The following TLN1 variants were observed in gnomAD, a reference collection of about 807,000 sequenced individuals.
TLN1 encodes talin-1.
A neutral mutation model predicts 292.3 loss-of-function variants in TLN1; 56 were observed. That is an observed-to-expected ratio of 0.19 (90% confidence interval 0.15 to 0.24). TLN1 has a LOEUF of 0.24. Among genes scored for constraint, TLN1 ranks in the 10% least tolerant of loss-of-function variants. The pLI, the probability that TLN1 is intolerant of heterozygous loss-of-function variation, is 1.00. For missense variants in TLN1, 2,433 were observed against 3,248.2 expected (o/e 0.75, Z 6.10); for synonymous variants, 1,119 against 1,253.7 (o/e 0.89, Z 2.27).
intron 48 of TLN1, 62 bp from the exon 49 acceptor site, chr9:35,700,438 C>T: frequency 6.6e-7 from 1 of 1,509,428 alleles, no homozygotes; most frequent in Non-Finnish European, 9.0e-7. Flanking sequence ...CAGCGTAGAA[C>T]TCTGTGTGCA....
Position 35,724,541 on chromosome 9 carries a change from CA to C in TLN1, c.511+30del. On this transcript the variant is annotated intron_variant, in intron 5 of 56. Transcript: ENST00000314888. This position sits in a 1 kb window ranked among gnomAD's most constrained non-coding sequence, Gnocchi z 4.7. ...AAGCCCCTTCCCACCCTTCCCATTT[CA>C]AAAGCCCTCTTTTTTCTAGTTCTGC... 1 of 1,601,520 alleles carries C rather than the reference CA, an allele frequency of 6.2e-7. No individual in the cohort carries two copies. The highest frequency in any genetic ancestry group is 2.2e-5 in the East Asian group (1 of 44,708).
rs754249047 is a variant in TLN1 at position 35,717,114 on chromosome 9, G to A, written c.2458+32C>T. 6 of 1,566,972 alleles carry A rather than the reference G, an allele frequency of 3.8e-6. No individual in the cohort carries two copies. Among genetic ancestry groups the A allele is most frequent in the African/African-American group, 1.4e-5 (1 of 73,662 alleles). On this transcript the variant is annotated intron_variant, in intron 19 of 56. Coordinates refer to ENST00000314888, the MANE Select transcript of TLN1 (RefSeq NM_006289.4). This position sits in a 1 kb window ranked among gnomAD's most constrained non-coding sequence, Gnocchi z 4.7. ...AGTGGGCTTAGGGAACCCTGGTAGG[G>A]TTTTTTGTTTTCCTGGGGGTGCGTG...
chr9:35,720,696 G>A, intron 11 of TLN1, 116 bp downstream of exon 11: 2 of 1,096,122 alleles, frequency 1.8e-6, no homozygotes, highest in Non-Finnish European at 2.7e-6. Flanking sequence ...CAAGATCTCG[G>A]CTCATTGCAA....
In TLN1 at chr9:35,698,655, G is replaced by A. The variant is rs1825410375; in HGVS notation, c.7150C>T (p.Leu2384=). The A allele has an allele frequency of 1.2e-6, 2 of 1,614,162 alleles. No homozygotes were observed. The highest frequency in any genetic ancestry group is 1.7e-6 in the Non-Finnish European group (2 of 1,180,044). ...GKVGAIPANA[L]DDGQWSQGLI... ...CCCTGGGACCACTGCCCATCGTCCA[G>A]TGCATTGGCTGGAATGGCACCCACC... Residue 2384 remains leucine, a synonymous_variant, in exon 54 of 57, where the codon CTG becomes TTG. Transcript: ENST00000314888. This position sits in a 1 kb window ranked among gnomAD's most constrained non-coding sequence, Gnocchi z 5.3.
chr9:35,700,445 T>C lies in TLN1; in HGVS notation c.6475-69A>G, dbSNP rs990143663. The stretch of plus-strand genomic sequence containing the variant: ...CTATGAGACAGCGTAGAACTCTGTG[T>C]GCATGTGATTTGGTGCAGACATTCA... On this transcript the variant is annotated intron_variant, in intron 48 of 56. Coordinates refer to ENST00000314888, the MANE Select transcript of TLN1 (RefSeq NM_006289.4). 8.8e-6 allele frequency: 13 copies of C among 1,484,240 alleles called. 1 individual carries two copies. In the Admixed American group the frequency reaches 2.1e-4, roughly 24 times the overall value. The allele number at this position is 1,484,240 out of a possible 1,614,324, so 91.9% of individuals were successfully genotyped here.
Position 35,732,067 on chromosome 9 carries a change from T to A in TLN1, c.-34+8A>T, listed in dbSNP as rs1213893861. 6.6e-6 allele frequency: 1 copy of A among 151,378 alleles called. No individual in the cohort carries two copies. The highest frequency in any genetic ancestry group is 1.5e-5 in the Non-Finnish European group (1 of 67,686). 9.4% of individuals were successfully genotyped at this position (151,378 alleles called of 1,614,324 possible). On this transcript the variant is annotated splice_region_variant and intron_variant, in intron 1 of 56. Coordinates refer to ENST00000314888, the MANE Select transcript of TLN1 (RefSeq NM_006289.4). The surrounding 1 kb of genome is among the most constrained non-coding windows in gnomAD (Gnocchi z 5.1). ...CCTAAGGCCCCCGCCCGGCCCGGTC[T>A]GGCCTACCTGCGCTGCCTGGCTCTG...
rs201457771 is a variant in TLN1 at position 35,706,082 on chromosome 9, C to G, written c.5391G>C (p.Glu1797Asp). Reference protein sequence around the residue: ...KQAAHTQEALEEAVQMMTEAV... With the variant: ...KQAAHTQEALDEAVQMMTEAV... ...CCTCGGTCATCATCTGCACAGCCTC[C>G]TCCAGGGCTTCCTGGGTGTGAGCTG... Residue 1797 changes from glutamate (E) to aspartate (D), a missense_variant, in exon 41 of 57, where the codon GAG becomes GAC. Coordinates refer to ENST00000314888, the MANE Select transcript of TLN1 (RefSeq NM_006289.4). This position sits in a 1 kb window ranked among gnomAD's most constrained non-coding sequence, Gnocchi z 4.2. 5 of 1,614,216 alleles carry G rather than the reference C, an allele frequency of 3.1e-6. No homozygotes were observed. The highest frequency in any genetic ancestry group is 1.3e-5 in the African/African-American group (1 of 75,064).
chr9:35,709,556 T>A (rs1057141083), intron 33 of TLN1, among the ~76,000 whole-genome samples: 1 of 152,166 alleles, frequency 6.6e-6, no homozygotes, highest in Non-Finnish European at 1.5e-5. Flanking sequence ...AAGTGATAAC[T>A]CAAGTAACTG....
At position 35,709,323 on chromosome 9, in the gene TLN1, A is replaced by C. The variant is rs557676079; in HGVS notation, c.4327-839T>G. On this transcript the variant is annotated intron_variant, in intron 33 of 56. Coordinates refer to ENST00000314888, the MANE Select transcript of TLN1 (RefSeq NM_006289.4). ...AACAAACAAACAAAAAACCAAAAAA[A>C]CAAAAAAACAAAATCAAACAAGCCA... Among the ~76,000 whole-genome samples, 21 of 152,268 alleles carry C rather than the reference A, an allele frequency of 1.4e-4. 1 individual carries two copies. Among genetic ancestry groups the C allele is most frequent in the East Asian group, 5.8e-4 (3 of 5,170 alleles).
intron 20 of TLN1, 128 bp downstream of exon 20, chr9:35,716,262 G>T: frequency 2.0e-6 from 2 of 1,023,026 alleles, no homozygotes; most frequent in African/African-American, 1.6e-5. Flanking sequence ...TTTCCTGAGT[G>T]CTCCTATATT....
In TLN1 at chr9:35,705,486, G is replaced by C; in HGVS notation, c.5733+65C>G. The C allele has an allele frequency of 2.0e-6, 3 of 1,503,364 alleles. No homozygotes were observed. In the South Asian group the frequency reaches 3.9e-5, roughly 20 times the overall value. 93.1% of individuals were successfully genotyped at this position (1,503,364 alleles called of 1,614,324 possible). A position where few individuals can be genotyped will look rare whatever the true frequency, so the allele number is the denominator to read the frequency against. ...GACCAGAGAGGGTGGGGGTGGGACA[G>C]CCCTAGACACTGACACATCAGGAAC... On this transcript the variant is annotated intron_variant, in intron 43 of 56. Transcript: ENST00000314888.
In TLN1 at chr9:35,698,735, G is replaced by T; in HGVS notation, c.7126-56C>A. The T allele has an allele frequency of 6.2e-7, 1 of 1,614,024 alleles. No homozygotes were observed. Among genetic ancestry groups the T allele is most frequent in the East Asian group, 2.2e-5 (1 of 44,878 alleles). ...TGCATTTTCCTCACTTCAAAGACTC[G>T]CTGGCTATGGATGTGGATGTGGACA... On this transcript the variant is annotated intron_variant, in intron 53 of 56. Transcript: ENST00000314888. The surrounding 1 kb of genome is among the most constrained non-coding windows in gnomAD (Gnocchi z 5.3).
rs546334879 is a variant in TLN1, at chr9:35,713,409, T to A, written c.3250-111A>T. The A allele has an allele frequency of 7.1e-5, 58 of 815,014 alleles. 1 individual carries two copies. In the Middle Eastern group the frequency reaches 1.1e-3, roughly 15 times the overall value. The allele number at this position is 815,014 out of a possible 1,614,324, so 50.5% of individuals were successfully genotyped here. On this transcript the variant is annotated intron_variant, in intron 25 of 56. Coordinates refer to ENST00000314888, the MANE Select transcript of TLN1 (RefSeq NM_006289.4). ...ATTTAAATAAATGTTTTGGGCTGGG[T>A]GCGATGGCTCCCACCTATAATCCTA...
chr9:35,717,114 GTTTT>G lies in TLN1; in HGVS notation c.2458+28_2458+31del, dbSNP rs767957346. On this transcript the variant is annotated intron_variant, in intron 19 of 56. Coordinates refer to ENST00000314888, the MANE Select transcript of TLN1 (RefSeq NM_006289.4). The surrounding 1 kb of genome is among the most constrained non-coding windows in gnomAD (Gnocchi z 4.7). The stretch of plus-strand genomic sequence containing the variant: ...AGTGGGCTTAGGGAACCCTGGTAGG[GTTTT>G]TTGTTTTCCTGGGGGTGCGTGTCTT... The G allele has an allele frequency of 6.4e-7, 1 of 1,566,972 alleles. No homozygotes were observed. The highest frequency in any genetic ancestry group is 8.7e-7 in the Non-Finnish European group (1 of 1,151,872).
chr9:35,724,426 C>A lies in TLN1; in HGVS notation c.512-92G>T. On this transcript the variant is annotated intron_variant, in intron 5 of 56. Transcript: ENST00000314888. The surrounding 1 kb of genome is among the most constrained non-coding windows in gnomAD (Gnocchi z 4.7). ...TTTCTGCATTTCCTACCTCCCCTCACTTAAATGTAAGTCCCATGAGTGTAG... is the reference window on the plus strand; with the variant it reads ...TTTCTGCATTTCCTACCTCCCCTCAATTAAATGTAAGTCCCATGAGTGTAG... 1 of 1,582,148 alleles carries A rather than the reference C, an allele frequency of 6.3e-7. No individual in the cohort carries two copies. The highest frequency in any genetic ancestry group is 8.6e-7 in the Non-Finnish European group (1 of 1,157,572).
chr9:35,704,735 C>T lies in TLN1; in HGVS notation c.5814G>A (p.Gln1938=), dbSNP rs369003751. The T allele has an allele frequency of 6.2e-7, 1 of 1,614,200 alleles. No individual in the cohort carries two copies. Among genetic ancestry groups the T allele is most frequent in the South Asian group, 1.1e-5 (1 of 91,082 alleles). ...TGGTGTAGGCATCACTGGGGCTGCA[C>T]TGCAGGGCGCCTGCCTTGGTGACCA... ...AALVTKAGAL[Q]CSPSDAYTKK... Residue 1938 remains glutamine (Q), a synonymous_variant, in exon 44 of 57, where the codon CAG becomes CAA. Transcript: ENST00000314888. This position sits in a 1 kb window ranked among gnomAD's most constrained non-coding sequence, Gnocchi z 6.9.
Position 35,714,934 on chromosome 9 carries a change from C to G in TLN1, c.2755-58G>C, listed in dbSNP as rs558813377. On this transcript the variant is annotated intron_variant, in intron 21 of 56. Transcript: ENST00000314888. This position sits in a 1 kb window ranked among gnomAD's most constrained non-coding sequence, Gnocchi z 4.6. ...TGGATTCCCATGCCCAGCCCAGTCCCTGGCCTACCTTGCCCAGGTTATGCC... is the reference window on the plus strand; with the variant it reads ...TGGATTCCCATGCCCAGCCCAGTCCGTGGCCTACCTTGCCCAGGTTATGCC... 1 of 1,606,952 alleles carries G rather than the reference C, an allele frequency of 6.2e-7. No individual in the cohort carries two copies. Among genetic ancestry groups the G allele is most frequent in the East Asian group, 2.2e-5 (1 of 44,846 alleles).
intron 1 of TLN1, among the ~76,000 whole-genome samples, chr9:35,727,790 G>A (rs993923355): frequency 1.3e-5 from 2 of 152,102 alleles, no homozygotes; most frequent in Non-Finnish European, 2.9e-5. Context: ...TGGACACTTA[G>A]ACACCCCCTT....
chr9:35,720,623 C>CT, intron 11 of TLN1, 114 bp from the exon 12 acceptor site: 12 of 1,028,674 alleles, frequency 1.2e-5, no homozygotes, highest in South Asian at 3.2e-5. Context: ...GTGTCCATTT[C>CT]TTTTTCTTTT....
Sources: allele counts gnomAD v4.1 joint callset (sites outside exome capture counted in the v4.1 genomes callset), GRCh38; gene constraint gnomAD v4.1.1; non-coding constraint Gnocchi (gnomAD v3.1); transcripts MANE v1.5; gene names NCBI Gene and HGNC (gene_info 2026-07-23, HGNC 2026-07-21).